TRDN: variants seen among roughly 807,000 people sequenced by gnomAD.
TRDN encodes the protein triadin, also known as triadin in skeletal muscle.
TRDN carries 161 observed loss-of-function variants against 149.7 expected under a neutral mutation model. That is an observed-to-expected ratio of 1.08 (90% confidence interval 0.95 to 1.23). The LOEUF (loss-of-function observed/expected upper bound fraction) is 1.23. TRDN is among the 50% of genes most tolerant of loss of function. The pLI is 0.00. For missense variants in TRDN, 896 were observed against 823.5 expected (o/e 1.09, Z -1.08); for synonymous variants, 294 against 250.5 (o/e 1.17, Z -1.64).
At position 123,380,447 on chromosome 6, in the gene TRDN, G is replaced by A. The variant is rs140690742; in HGVS notation, c.1186+923C>T. Among the ~76,000 whole-genome samples the A allele has an allele frequency of 2.8e-3, 428 of 152,254 alleles. 3 individuals carry two copies. The highest frequency in any genetic ancestry group is 9.5e-3 in the African/African-American group (395 of 41,554). On this transcript the variant is annotated intron_variant, in intron 16 of 40. Transcript: ENST00000334268. ...TACTCATCAGTAGCTCTGCACACAC[G>A]TAAATCTGGAACTGAGAGAACTCTC...
intron 1 of TRDN, among the ~76,000 whole-genome samples, chr6:123,631,317 C>T (rs953291311): frequency 4.6e-5 from 7 of 151,972 alleles, no homozygotes. Context: ...CTTTTTAGAA[C>T]TATTTTTTCT....
chr6:123,260,642 TAG>T lies in TRDN; in HGVS notation c.1805-6_1805-5del. 4.4e-6 allele frequency: 4 copies of T among 916,344 alleles called. No individual in the cohort carries two copies. The highest frequency in any genetic ancestry group is 6.8e-5 in the Admixed American group (1 of 14,786). The allele number at this position is 916,344 out of a possible 1,614,324, so 56.8% of individuals were successfully genotyped here. A position where few individuals can be genotyped will look rare whatever the true frequency, so the allele number is the denominator to read the frequency against. ...TCTGTGACTTCTGATGTTCCTTCTT[TAG>T]AAAAAAAAAAAAAAAGAATGTAGAA... On this transcript the variant is annotated splice_polypyrimidine_tract_variant and splice_region_variant and intron_variant, in intron 33 of 40. Transcript: ENST00000334268.
At chr6:123,376,921 A>C (rs1262714163) in intron 18 of TRDN, among the ~76,000 whole-genome samples, 1 of 152,168 alleles carries the variant, frequency 6.6e-6, no homozygotes, top group Non-Finnish European at 1.5e-5. Context: ...AACTCAGTGA[A>C]GCTCCTTCAG....
chr6:123,497,128 A>G, intron 9 of TRDN, 65 bp downstream of exon 9: 2 of 1,309,292 alleles, frequency 1.5e-6, no homozygotes, highest in South Asian at 2.9e-5. Context: ...TAGGTACATA[A>G]AAAGCCCACA....
intron 12 of TRDN, among the ~76,000 whole-genome samples, chr6:123,395,384 A>G (rs1772678458): frequency 6.6e-6 from 1 of 152,006 alleles, no homozygotes; most frequent in Non-Finnish European, 1.5e-5. Flanking sequence ...TTTCTCCCTC[A>G]GCGGTCAGGT....
rs1321163503 is a variant in TRDN at position 123,337,541 on chromosome 6, T to A, written c.1420+78A>T. 5.1e-6 allele frequency: 3 copies of A among 586,884 alleles called. No homozygotes were observed. The East Asian group carries it at 1.3e-4, about 25-fold the overall frequency. 36.4% of individuals were successfully genotyped at this position (586,884 alleles called of 1,614,324 possible). A position where few individuals can be genotyped will look rare whatever the true frequency, so the allele number is the denominator to read the frequency against. On this transcript the variant is annotated intron_variant, in intron 22 of 40. Coordinates refer to ENST00000334268, the MANE Select transcript of TRDN (RefSeq NM_006073.4). ...CTGGTTTACATATTTGCAAAGGGGA[T>A]GCAGCTAATGTACTGTGTTCTCAAT... is the stretch of plus-strand genomic sequence containing the variant.
At chr6:123,379,259 G>T (rs574136137) in intron 16 of TRDN, among the ~76,000 whole-genome samples, 1 of 152,082 alleles carries the variant, frequency 6.6e-6, no homozygotes, top group Admixed American at 6.6e-5. Flanking sequence ...TGTTAGTCAG[G>T]CTTCTAATTA....
In TRDN at chr6:123,512,320, G is replaced by T; in HGVS notation, c.593C>A (p.Thr198Lys). Residue 198 changes from threonine to lysine, a missense_variant, in exon 7 of 41, where the codon ACA becomes AAA. Physicochemically the swap from Thr to Lys is moderately conservative, Grantham distance 78. Coordinates refer to ENST00000334268, the MANE Select transcript of TRDN (RefSeq NM_006073.4). Reference sequence around the variant, plus strand: ...AAAGTTACCTTTCGCCAGTGTCTTTGTTTCTGGTTTTTCTTTTTTCTCAAT... The same window carrying T: ...AAAGTTACCTTTCGCCAGTGTCTTTTTTTCTGGTTTTTCTTTTTTCTCAAT... ...EKIEKKEKPE[T>K]KTLAKEQKKA... 1 of 1,500,148 alleles carries T rather than the reference G, an allele frequency of 6.7e-7. No individual in the cohort carries two copies. The highest frequency in any genetic ancestry group is 9.2e-7 in the Non-Finnish European group (1 of 1,092,520). 92.9% of individuals were successfully genotyped at this position (1,500,148 alleles called of 1,614,324 possible). A position where few individuals can be genotyped will look rare whatever the true frequency, so the allele number is the denominator to read the frequency against.
At chr6:123,235,914 A>G (rs943247517) in intron 38 of TRDN, among the ~76,000 whole-genome samples, 3 of 152,222 alleles carry the variant, frequency 2.0e-5, no homozygotes, top group Non-Finnish European at 4.4e-5. Context: ...GATGTACTAC[A>G]GCTTCTATAT....
At chr6:123,413,560 T>C (rs1170710637) in intron 12 of TRDN, among the ~76,000 whole-genome samples, 3 of 152,152 alleles carry the variant, frequency 2.0e-5, no homozygotes, top group Admixed American at 1.3e-4. Context: ...TGAGCTTGAA[T>C]TGATGACTTC....
intron 12 of TRDN, among the ~76,000 whole-genome samples, chr6:123,399,352 A>AGTTAGGGTT (rs1772866365): frequency 6.6e-6 from 1 of 152,198 alleles, no homozygotes; most frequent in Admixed American, 6.5e-5. Context: ...TTCTTAAGTA[A>AGTTAGGGTT]TCAACAATTT....
rs1251505703 is a variant in TRDN at position 123,267,366 on chromosome 6, A to G, written c.1783+341T>C. Among the ~76,000 whole-genome samples the G allele has an allele frequency of 2.0e-5, 3 of 152,192 alleles. No individual in the cohort carries two copies. The East Asian group carries it at 5.8e-4, about 29-fold the overall frequency. ...ACAATTTGTGAAATTTAACCTGTGT[A>G]ATTTGACAAGATATTTTAAAACTAT... On this transcript the variant is annotated intron_variant, in intron 32 of 40. Coordinates refer to ENST00000334268, the MANE Select transcript of TRDN (RefSeq NM_006073.4).
chr6:123,375,657 T>C (rs758990789), intron 18 of TRDN, 26 bp from the exon 19 acceptor site: 9 of 1,503,744 alleles, frequency 6.0e-6, no homozygotes, highest in Non-Finnish European at 8.0e-6. Context: ...AATAATAAGG[T>C]CAACAGTAAT....
At position 123,305,185 on chromosome 6, in the gene TRDN, A is replaced by G. The variant is rs139349944; in HGVS notation, c.1510+11272T>C. Among the ~76,000 whole-genome samples the G allele has an allele frequency of 6.1e-3, 922 of 152,260 alleles. 18 individuals carry two copies. Among genetic ancestry groups the G allele is most frequent in the Admixed American group, 0.034 (517 of 15,262 alleles). On this transcript the variant is annotated intron_variant, in intron 24 of 40. Coordinates refer to ENST00000334268, the MANE Select transcript of TRDN (RefSeq NM_006073.4). Reference sequence around the variant, plus strand: ...GACTTCAAGAGTTCCCATTCTTACAATAAGTAAATAAAAACTGTCATTTCC... The same window carrying G: ...GACTTCAAGAGTTCCCATTCTTACAGTAAGTAAATAAAAACTGTCATTTCC...
In TRDN at chr6:123,513,953, C is replaced by T. The variant is rs117078731; in HGVS notation, c.551-1591G>A. Among the ~76,000 whole-genome samples, 154 of 152,084 alleles carry T rather than the reference C, an allele frequency of 1.0e-3. 5 individuals are homozygous for T. In the East Asian group the frequency reaches 0.025, roughly 25 times the overall value. On this transcript the variant is annotated intron_variant, in intron 6 of 40. Coordinates refer to ENST00000334268, the MANE Select transcript of TRDN (RefSeq NM_006073.4). Reference sequence around the variant, plus strand: ...ATGCATAAATCAGCTGAAATCTGGCCCAGCTATCCTAGACACAATCCACCC... The same window carrying T: ...ATGCATAAATCAGCTGAAATCTGGCTCAGCTATCCTAGACACAATCCACCC...
At chr6:123,526,677 A>G (rs1185099669) in intron 5 of TRDN, among the ~76,000 whole-genome samples, 1 of 152,096 alleles carries the variant, frequency 6.6e-6, no homozygotes, top group Admixed American at 6.6e-5. Context: ...CATCCATAGT[A>G]GATAAACACT....
chr6:123,437,326 A>T (rs1774620028), intron 12 of TRDN: 5 of 315,574 alleles, frequency 1.6e-5, no homozygotes, highest in Non-Finnish European at 2.4e-5. Context: ...CATTTACTTC[A>T]GAAAACTGGA....
chr6:123,475,865 A>G (rs930559408), intron 9 of TRDN, among the ~76,000 whole-genome samples: 1 of 152,256 alleles, frequency 6.6e-6, no homozygotes, highest in South Asian at 2.1e-4. Context: ...GCAACCCGTC[A>G]TGCTAAAAAC....
chr6:123,353,757 A>G (rs1031282151), intron 20 of TRDN, among the ~76,000 whole-genome samples: 19 of 151,766 alleles, frequency 1.3e-4, no homozygotes, highest in Non-Finnish European at 2.8e-4. Context: ...GGTTAGAAAA[A>G]AATTCCCTAT....
Sources: gnomAD v4.1 joint callset for allele counts (sites outside exome capture counted in the v4.1 genomes callset) on GRCh38, gnomAD v4.1.1 for gene constraint, MANE v1.5 for transcripts, NCBI Gene and HGNC (gene_info 2026-07-23, HGNC 2026-07-21) for gene names.